MCMDC2: variants seen among roughly 807,000 people sequenced by gnomAD.
MCMDC2 encodes the protein minichromosome maintenance domain containing 2, also known as minichromosome maintenance domain-containing protein 2.
Under a neutral mutation model 75.8 loss-of-function variants are expected in MCMDC2, and 54 were observed. The ratio of observed to expected loss-of-function variants is 0.71; its 90% CI spans 0.57 to 0.89. The LOEUF is 0.89. Ranked by LOEUF, MCMDC2 falls within the 40% of genes least tolerant of loss-of-function variation. The probability of loss-of-function intolerance (pLI) is 0.00; values close to 1 mark genes in which losing one functional copy is unlikely to be tolerated. For missense variants in MCMDC2, 656 were observed against 780.4 expected, an observed-to-expected ratio of 0.84 and a Z score of 1.90; for synonymous variants, 249 against 274.6, an observed-to-expected ratio of 0.91 and a Z score of 0.92.
intron 4 of MCMDC2, among the ~76,000 whole-genome samples, chr8:66,875,931 A>G (rs1811262700): frequency 6.6e-6 from 1 of 152,228 alleles, no homozygotes; most frequent in Non-Finnish European, 1.5e-5. Flanking sequence ...AAAATAGAAG[A>G]TGACTGTAAA....
At chr8:66,907,048 G>A (rs1045251092) in intron 14 of MCMDC2, among the ~76,000 whole-genome samples, 7 of 152,068 alleles carry the variant, frequency 4.6e-5, no homozygotes, top group Middle Eastern at 3.2e-3. Flanking sequence ...GATTACAGGC[G>A]TGAGCCACCG....
rs117526902 is a variant in MCMDC2, at chr8:66,909,637, T to A, written c.1879+4302T>A. ...CGCCGTTTTGCTTCTGCCCTAGAGA[T>A]CTGTGGAACTTTGAACTTGAGAGAC... On this transcript the variant is annotated intron_variant, in intron 14 of 14. Transcript: ENST00000422365. 2.0e-4 allele frequency among the ~76,000 whole-genome samples: 30 copies of A among 152,226 alleles called. No individual in the cohort carries two copies. In the East Asian group the frequency reaches 5.8e-3, roughly 29 times the overall value.
At position 66,891,077 on chromosome 8, in the gene MCMDC2, A is replaced by G; in HGVS notation, c.1279+7A>G. ...CTTGAACAGCTTCAAACAGGTAAAC[A>G]ATATTTTTTAAATTAATTTTCACCC... On this transcript the variant is annotated splice_region_variant and intron_variant, in intron 10 of 14. Coordinates refer to ENST00000422365, the MANE Select transcript of MCMDC2 (RefSeq NM_173518.5). The G allele has an allele frequency of 1.9e-6, 3 of 1,586,436 alleles. No homozygotes were observed. The highest frequency in any genetic ancestry group is 2.6e-6 in the Non-Finnish European group (3 of 1,171,624).
Position 66,899,644 on chromosome 8 carries a change from C to T in MCMDC2, c.1627-1562C>T, listed in dbSNP as rs535959467. On this transcript the variant is annotated intron_variant, in intron 12 of 14. Transcript: ENST00000422365. ...CCGAGCAGCTGGGACTACAGGTGCCCGCCACCACACCCGGCTAATTTTTTT... is the reference window on the plus strand; with the variant it reads ...CCGAGCAGCTGGGACTACAGGTGCCTGCCACCACACCCGGCTAATTTTTTT... Among the ~76,000 whole-genome samples the T allele has an allele frequency of 1.1e-3, 169 of 151,872 alleles. 1 individual carries two copies. The highest frequency in any genetic ancestry group is 3.9e-3 in the African/African-American group (161 of 41,468).
chr8:66,871,343 T>C (rs1291666124), intron 1 of MCMDC2, among the ~76,000 whole-genome samples: 1 of 152,104 alleles, frequency 6.6e-6, no homozygotes, highest in Non-Finnish European at 1.5e-5. Flanking sequence ...ACACTTCTCC[T>C]TGGGCTCTGT....
intron 10 of MCMDC2, among the ~76,000 whole-genome samples, chr8:66,894,347 G>T (rs1812245841): frequency 6.6e-6 from 1 of 152,166 alleles, no homozygotes; most frequent in South Asian, 2.1e-4. Flanking sequence ...TTCTTACTTG[G>T]TTGCTTCCCT....
chr8:66,898,568 G>A (rs1585889326), intron 12 of MCMDC2, among the ~76,000 whole-genome samples: 1 of 149,406 alleles, frequency 6.7e-6, no homozygotes, highest in African/African-American at 2.5e-5. Flanking sequence ...AGGTTGAGGT[G>A]AGCCGAGATT....
At chr8:66,876,364 C>G (rs907693030) in intron 4 of MCMDC2, among the ~76,000 whole-genome samples, 1 of 152,154 alleles carries the variant, frequency 6.6e-6, no homozygotes, top group African/African-American at 2.4e-5. Flanking sequence ...AATCTAGCAG[C>G]TTCCAATAAT....
chr8:66,925,645 G>C, downstream of MCMDC2: 1 of 152,302 alleles, frequency 6.6e-6, no homozygotes, highest in Non-Finnish European at 1.5e-5. Context: ...TGAGTGCACC[G>C]GCTCTGGGGA....
Position 66,901,309 on chromosome 8 carries a change from T to A in MCMDC2, c.1730T>A (p.Val577Glu), listed in dbSNP as rs1812646441. 1 of 1,613,342 alleles carries A rather than the reference T, an allele frequency of 6.2e-7. No individual in the cohort carries two copies. The change falls in exon 13 of 15, where the codon GTA becomes GAA. Residue 577 changes from valine (V) to glutamate (E), a missense_variant. Physicochemically the swap from Val to Glu is moderately radical, Grantham distance 121 (BLOSUM62 -2). Transcript: ENST00000422365. Reference sequence around the variant, plus strand: ...AGTCGCAGAATCAGAACAGGCTCTGTATGTGGATCAAAGCTGTCAGCATCT... The same window carrying A: ...AGTCGCAGAATCAGAACAGGCTCTGAATGTGGATCAAAGCTGTCAGCATCT... ...LASRRIRTGS[V>E]CGSKLSASAL...
At position 66,905,206 on chromosome 8, in the gene MCMDC2, G is replaced by C; in HGVS notation, c.1770-20G>C. ...TTATAATATCAACATATTTTCTTTG[G>C]CAACTATTTTCTTTTTTAGCGTTTT... On this transcript the variant is annotated intron_variant, in intron 13 of 14. Coordinates refer to ENST00000422365, the MANE Select transcript of MCMDC2 (RefSeq NM_173518.5). The C allele has an allele frequency of 4.3e-6, 6 of 1,381,170 alleles. No individual in the cohort carries two copies. The highest frequency in any genetic ancestry group is 5.6e-6 in the Non-Finnish European group (6 of 1,062,398). 85.6% of individuals were successfully genotyped at this position (1,381,170 alleles called of 1,614,324 possible). A position where few individuals can be genotyped will look rare whatever the true frequency, so the allele number is the denominator to read the frequency against.
Position 66,870,839 on chromosome 8 carries a change from C to T in MCMDC2, c.-89+8C>T, listed in dbSNP as rs527508287. ...AGCTTGGTGGGAGTCAAGGTGAGTG[C>T]AAAGCACTACAGCGCTGGGGTCCCA... On this transcript the variant is annotated splice_region_variant and intron_variant, in intron 1 of 14. Transcript: ENST00000422365. 21 of 152,400 alleles carry T rather than the reference C, an allele frequency of 1.4e-4. No homozygotes were observed. The highest frequency in any genetic ancestry group is 4.8e-4 in the African/African-American group (20 of 41,576). 9.4% of individuals were successfully genotyped at this position (152,400 alleles called of 1,614,324 possible).
At chr8:66,889,286 G>C (rs1300694112) in intron 9 of MCMDC2, among the ~76,000 whole-genome samples, 1 of 152,188 alleles carries the variant, frequency 6.6e-6, no homozygotes, top group African/African-American at 2.4e-5. Flanking sequence ...TTTGGGATAT[G>C]AAGAGACTGA....
chr8:66,921,512 C>T lies in MCMDC2; in HGVS notation c.*2343C>T, dbSNP rs1338877735. 1 of 152,220 alleles carries T rather than the reference C, an allele frequency of 6.6e-6. No homozygotes were observed. Among genetic ancestry groups the T allele is most frequent in the African/African-American group, 2.4e-5 (1 of 41,462 alleles). The allele number at this position is 152,220 out of a possible 1,614,324, so 9.4% of individuals were successfully genotyped here. ...GAGAAAAGATTTAGCTCTAAACCTT[C>T]ACCCAGATATAAATTCAGCTTTAGA... On this transcript the variant is annotated 3_prime_UTR_variant, in exon 15 of 15. Coordinates refer to ENST00000422365, the MANE Select transcript of MCMDC2 (RefSeq NM_173518.5).
rs755340965 is a variant in MCMDC2 at position 66,883,989 on chromosome 8, A to G, written c.1068A>G (p.Ile356Met). ...TTATAACAAGTGATACTCTACTCAT[A>G]GACAGGTATATATGTGACATGAATT... ...ILIITSDTLL[I>M]DRLLNFSINL... The change falls in exon 9 of 15, where the codon ATA (isoleucine) becomes ATG (methionine). Residue 356 changes from isoleucine to methionine, a missense_variant. By Grantham distance (10) the Ile-to-Met change is conservative (BLOSUM62 1). Transcript: ENST00000422365. 5 of 1,593,922 alleles carry G rather than the reference A, an allele frequency of 3.1e-6. No homozygotes were observed. The highest frequency in any genetic ancestry group is 1.7e-6 in the Non-Finnish European group (2 of 1,162,136).
In MCMDC2 at chr8:66,895,587, C is replaced by T. The variant is rs566407957; in HGVS notation, c.1280-583C>T. Among the ~76,000 whole-genome samples the T allele has an allele frequency of 2.6e-5, 4 of 151,628 alleles. No individual in the cohort carries two copies. The East Asian group carries it at 7.8e-4, about 29-fold the overall frequency. ...ATGCTTGGCTAATTTTTTGTAGTAA[C>T]AGGGTCTTGCCACGTTGCCCAGGCT... On this transcript the variant is annotated intron_variant, in intron 10 of 14. Transcript: ENST00000422365.
intron 13 of MCMDC2, among the ~76,000 whole-genome samples, chr8:66,902,711 A>AAATAT (rs1467425752): frequency 1.3e-4 from 9 of 67,932 alleles, no homozygotes; most frequent in Admixed American, 6.0e-4. Context: ...AAAAAAAAAA[A>AAATAT]ATATATATAT....
At chr8:66,889,635 A>G (rs1183877556) in intron 9 of MCMDC2, among the ~76,000 whole-genome samples, 6 of 152,088 alleles carry the variant, frequency 3.9e-5, no homozygotes, top group East Asian at 3.9e-4. Flanking sequence ...CGTCTCTCCA[A>G]AAAAAACAAA....
intron 12 of MCMDC2, among the ~76,000 whole-genome samples, chr8:66,900,804 G>T (rs1020749259): frequency 6.6e-6 from 1 of 152,212 alleles, no homozygotes; most frequent in Admixed American, 6.5e-5. Context: ...TCTTTAAAAG[G>T]AAGGAAGGGA....
Sources: gnomAD v4.1 joint callset for allele counts (sites outside exome capture counted in the v4.1 genomes callset) on GRCh38, gnomAD v4.1.1 for gene constraint, MANE v1.5 for transcripts, NCBI Gene and HGNC (gene_info 2026-07-23, HGNC 2026-07-21) for gene names.